PRDM15: variants seen among roughly 807,000 people sequenced by gnomAD.
PRDM15 encodes the protein PR/SET domain 15.
Under a neutral mutation model 128.6 loss-of-function variants are expected in PRDM15, and 64 were observed. The observed-to-expected ratio is 0.50, with a 90% CI of 0.41 to 0.61. The LOEUF is 0.61. Ranked by LOEUF, PRDM15 falls within the 20% of genes least tolerant of loss-of-function variation. The pLI is 0.00. For missense variants in PRDM15, 1,242 were observed against 1,569.1 expected (o/e 0.79, Z 3.52); for synonymous variants, 615 against 621.8 (o/e 0.99, Z 0.16).
Position 41,810,942 on chromosome 21 carries a change from G to T in PRDM15, c.2393-106C>A. The T allele has an allele frequency of 1.1e-6, 1 of 914,398 alleles. No homozygotes were observed. Among genetic ancestry groups the T allele is most frequent in the South Asian group, 1.4e-5 (1 of 70,414 alleles). 56.6% of individuals were successfully genotyped at this position (914,398 alleles called of 1,614,324 possible). A position where few individuals can be genotyped will look rare whatever the true frequency, so the allele number is the denominator to read the frequency against. ...GTTCCAGGCACTGTAGGGCCTTCAGGAGAAGGTGAATTGCAAGAAGACAGC... is the reference window on the plus strand; with the variant it reads ...GTTCCAGGCACTGTAGGGCCTTCAGTAGAAGGTGAATTGCAAGAAGACAGC... On this transcript the variant is annotated intron_variant, in intron 19 of 23. Coordinates refer to ENST00000398548, the MANE Select transcript of PRDM15 (RefSeq NM_001040424.3). This position sits in a 1 kb window ranked among gnomAD's most constrained non-coding sequence, Gnocchi z 6.4.
chr21:41,819,802 T>C, intron 17 of PRDM15, 101 bp from the exon 18 acceptor site: 1 of 1,457,046 alleles, frequency 6.9e-7, no homozygotes, highest in East Asian at 2.5e-5. Flanking sequence ...CCCCAGCAGC[T>C]AGAAGCGCAG....
Position 41,821,518 on chromosome 21 carries a change from A to AGGGAGGAGGAGG in PRDM15, c.1897-300_1897-289dup. ...CCTCGTGAGGGCTTCAGGCCTCAGC[A>AGGGAGGAGGAGG]GGGAGGAGGAGGGGGAGGAGAGAAG... On this transcript the variant is annotated intron_variant, in intron 15 of 23. Coordinates refer to ENST00000398548, the MANE Select transcript of PRDM15 (RefSeq NM_001040424.3). This position sits in a 1 kb window ranked among gnomAD's most constrained non-coding sequence, Gnocchi z 5.4. Among the ~76,000 whole-genome samples the AGGGAGGAGGAGG allele has an allele frequency of 6.6e-6, 1 of 151,832 alleles. No homozygotes were observed. Among genetic ancestry groups the AGGGAGGAGGAGG allele is most frequent in the Non-Finnish European group, 1.5e-5 (1 of 67,924 alleles).
Position 41,879,312 on chromosome 21 carries a change from G to A in PRDM15, c.-52C>T. The A allele has an allele frequency of 3.7e-6, 4 of 1,094,794 alleles. No individual in the cohort carries two copies. The highest frequency in any genetic ancestry group is 3.6e-5 in the South Asian group (1 of 27,774). The allele number at this position is 1,094,794 out of a possible 1,614,324, so 67.8% of individuals were successfully genotyped here. A position where few individuals can be genotyped will look rare whatever the true frequency, so the allele number is the denominator to read the frequency against. On this transcript the variant is annotated 5_prime_UTR_variant, in exon 1 of 24. Transcript: ENST00000398548. The surrounding 1 kb of genome is among the most constrained non-coding windows in gnomAD (Gnocchi z 5.1). ...AGAGCGGGATCGGATCCGGACTCCG[G>A]GTTGCGATCCGCTCCGGAAACTGCG...
At chr21:41,816,042 C>T (rs2062039084) in intron 18 of PRDM15, among the ~76,000 whole-genome samples, 1 of 152,238 alleles carries the variant, frequency 6.6e-6, no homozygotes, top group Non-Finnish European at 1.5e-5. Context: ...CTGACTGCAA[C>T]ATCAGGTTCA....
intron 1 of PRDM15, chr21:41,871,902 C>T (rs745505019): frequency 2.0e-4 from 59 of 296,054 alleles, no homozygotes; most frequent in Admixed American, 5.1e-4. Context: ...CGCACACCTA[C>T]GTGACATGAC....
intron 11 of PRDM15, chr21:41,834,700 C>T (rs1486604543): frequency 1.9e-5 from 13 of 684,306 alleles, no homozygotes; most frequent in South Asian, 5.1e-5. Context: ...AGAGGGTGCA[C>T]GTCATCACTG....
chr21:41,809,022 G>A (rs2061770824), intron 21 of PRDM15, among the ~76,000 whole-genome samples: 1 of 152,248 alleles, frequency 6.6e-6, no homozygotes, highest in South Asian at 2.1e-4. Flanking sequence ...GGCGAAGGAT[G>A]CCATCCTCCG....
chr21:41,803,665 C>A (rs574827152), intron 22 of PRDM15, among the ~76,000 whole-genome samples: 1 of 152,318 alleles, frequency 6.6e-6, no homozygotes, highest in South Asian at 2.1e-4. Context: ...CCCCCCATGC[C>A]TGTGACTTGC....
intron 1 of PRDM15, among the ~76,000 whole-genome samples, chr21:41,875,312 C>T (rs774421337): frequency 5.6e-4 from 85 of 152,398 alleles, no homozygotes; most frequent in Middle Eastern, 3.4e-3. Flanking sequence ...GGCATCCTGG[C>T]GGCCCCTCGC....
At chr21:41,834,304 G>A (rs2062794946) in intron 11 of PRDM15, among the ~76,000 whole-genome samples, 1 of 152,080 alleles carries the variant, frequency 6.6e-6, no homozygotes, top group Non-Finnish European at 1.5e-5. Flanking sequence ...GGCCCCCCGC[G>A]CCCAGCAGCT....
At chr21:41,844,522 G>C (rs1407884372) in intron 6 of PRDM15, among the ~76,000 whole-genome samples, 1 of 22,270 alleles carries the variant, frequency 4.5e-5, no homozygotes, top group African/African-American at 2.2e-4. Flanking sequence ...GACACACACA[G>C]CCCCTCCCCC....
chr21:41,816,465 C>A (rs1450357322), intron 18 of PRDM15, among the ~76,000 whole-genome samples: 1 of 152,142 alleles, frequency 6.6e-6, no homozygotes, highest in East Asian at 1.9e-4. Context: ...GGGAACAGGG[C>A]GACCCAGCCC....
intron 5 of PRDM15, among the ~76,000 whole-genome samples, chr21:41,853,890 T>C (rs1291711224): frequency 6.6e-6 from 1 of 152,210 alleles, no homozygotes; most frequent in Non-Finnish European, 1.5e-5. Context: ...TTTCTTCATC[T>C]ACTCCACTGT....
At chr21:41,842,485 G>A (rs562610718) in intron 6 of PRDM15, among the ~76,000 whole-genome samples, 1 of 152,282 alleles carries the variant, frequency 6.6e-6, no homozygotes, top group African/African-American at 2.4e-5. Context: ...ATATGTTTAT[G>A]ATTCTTTTTT....
chr21:41,860,994 A>G (rs1443858870), intron 1 of PRDM15, among the ~76,000 whole-genome samples: 1 of 152,044 alleles, frequency 6.6e-6, no homozygotes, highest in Non-Finnish European at 1.5e-5. Flanking sequence ...TTTTGGTGAC[A>G]GGGTCTTGCT....
chr21:41,831,565 G>A (rs888605715), intron 11 of PRDM15, among the ~76,000 whole-genome samples: 18 of 152,216 alleles, frequency 1.2e-4, no homozygotes, highest in Non-Finnish European at 2.4e-4. Flanking sequence ...GCCCAGGTTG[G>A]GGGTGAGGGA....
intron 18 of PRDM15, among the ~76,000 whole-genome samples, chr21:41,818,709 G>A (rs1357978098): frequency 6.6e-6 from 1 of 152,150 alleles, no homozygotes; most frequent in African/African-American, 2.4e-5. Context: ...CACCGGGACA[G>A]CATGAGCAGG....
At chr21:41,835,974 CT>C in intron 10 of PRDM15, 138 bp downstream of exon 10, 3 of 393,540 alleles carry the variant, frequency 7.6e-6, no homozygotes, top group East Asian at 5.4e-5. Context: ...CCCCCGCCCA[CT>C]CTCCTCCCTC....
chr21:41,828,929 AC>A lies in PRDM15; in HGVS notation c.1367-597del, dbSNP rs914067664. 6.2e-3 allele frequency among the ~76,000 whole-genome samples: 928 copies of A among 149,458 alleles called. 8 individuals are homozygous for A. Among genetic ancestry groups the A allele is most frequent in the African/African-American group, 0.019 (758 of 40,392 alleles). On this transcript the variant is annotated intron_variant, in intron 11 of 23. Coordinates refer to ENST00000398548, the MANE Select transcript of PRDM15 (RefSeq NM_001040424.3). This position sits in a 1 kb window ranked among gnomAD's most constrained non-coding sequence, Gnocchi z 5.7. ...ACAAATACAAACACACTCAACACAC[AC>A]CCCCCACACAAATACACAATCACAC... is the stretch of plus-strand genomic sequence containing the variant.
Sources: gnomAD v4.1 joint callset for allele counts (sites outside exome capture counted in the v4.1 genomes callset) on GRCh38, gnomAD v4.1.1 for gene constraint, Gnocchi (gnomAD v3.1) non-coding constraint, MANE v1.5 for transcripts, NCBI Gene and HGNC (gene_info 2026-07-23, HGNC 2026-07-21) for gene names.